Variants in ROBO2 observed in about 807,000 individuals in gnomAD.
The protein encoded by ROBO2 is roundabout homolog 2.
A neutral mutation model predicts 160.8 loss-of-function variants in ROBO2; 53 were observed. The observed-to-expected ratio is 0.33, with a 90% confidence interval of 0.26 to 0.41. The LOEUF (loss-of-function observed/expected upper bound fraction) is 0.41, where lower values mean the gene tolerates loss of function less well. ROBO2 is among the 10% of genes least tolerant of loss of function. The probability of loss-of-function intolerance (pLI) is 1.00; values close to 1 mark genes in which losing one functional copy is unlikely to be tolerated. For missense variants in ROBO2, 1,577 were observed against 1,722.4 expected (o/e 0.92, Z 1.49); for synonymous variants, 664 against 611.7 (o/e 1.09, Z -1.26).
At chr3:77,434,499 G>A (rs897968298) in intron 2 of ROBO2, among the ~76,000 whole-genome samples, 48 of 152,016 alleles carry the variant, frequency 3.2e-4, no homozygotes, top group Non-Finnish European at 2.6e-4. Flanking sequence ...TTAATGTGCC[G>A]ACTGAATGAA....
chr3:76,478,680 G>GTTTTTTTTTTTTTTTTTTTTTTT, intron 2 of ROBO2, among the ~76,000 whole-genome samples: 1 of 120,928 alleles, frequency 8.3e-6, no homozygotes, highest in Non-Finnish European at 1.7e-5. Flanking sequence ...TTTTTTCTCT[G>GTTTTTTTTTTTTTTTTTTTTTTT]TTTTTTTTTT....
intron 2 of ROBO2, among the ~76,000 whole-genome samples, chr3:77,221,867 T>G (rs1394872255): frequency 6.7e-6 from 1 of 150,330 alleles, no homozygotes; most frequent in African/African-American, 2.5e-5. Flanking sequence ...TTTTTTTTTT[T>G]TTTTGAGACA....
chr3:77,231,438 A>G (rs961429509), intron 2 of ROBO2, among the ~76,000 whole-genome samples: 7 of 151,812 alleles, frequency 4.6e-5, no homozygotes, highest in African/African-American at 1.7e-4. Context: ...ATTATCTTAA[A>G]AAGTGGGGAA....
At chr3:77,451,822 G>A (rs1359689649) in intron 2 of ROBO2, among the ~76,000 whole-genome samples, 1 of 151,106 alleles carries the variant, frequency 6.6e-6, no homozygotes, top group Middle Eastern at 3.2e-3. Flanking sequence ...TGTGCACAAT[G>A]TGCTGGTCTG....
At chr3:76,442,337 G>C (rs1230445068) in intron 2 of ROBO2, among the ~76,000 whole-genome samples, 1 of 152,146 alleles carries the variant, frequency 6.6e-6, no homozygotes, top group African/African-American at 2.4e-5. Context: ...ATGCTCTCAA[G>C]GGTGTGTCCA....
chr3:75,995,459 A>G (rs1465605696), intron 2 of ROBO2, among the ~76,000 whole-genome samples: 1 of 152,170 alleles, frequency 6.6e-6, no homozygotes, highest in Admixed American at 6.5e-5. Flanking sequence ...GAGGTTTGGG[A>G]ACCTCAGCCT....
chr3:76,733,476 G>T (rs184484855), intron 2 of ROBO2, among the ~76,000 whole-genome samples: 1 of 152,190 alleles, frequency 6.6e-6, no homozygotes, highest in African/African-American at 2.4e-5. Context: ...CCAACTTATT[G>T]TTAGCAATGA....
chr3:76,083,165 A>G (rs1248405580), intron 2 of ROBO2, among the ~76,000 whole-genome samples: 1 of 152,100 alleles, frequency 6.6e-6, no homozygotes, highest in African/African-American at 2.4e-5. Context: ...CTATCAGTCA[A>G]AAGGGAATGG....
At chr3:76,803,171 GA>G (rs2064359328) in intron 2 of ROBO2, among the ~76,000 whole-genome samples, 1 of 152,126 alleles carries the variant, frequency 6.6e-6, no homozygotes. Context: ...CTTCATAAGA[GA>G]GACACCATGG....
At chr3:75,915,266 G>T (rs1946764599) in intron 1 of ROBO2, among the ~76,000 whole-genome samples, 1 of 152,146 alleles carries the variant, frequency 6.6e-6, no homozygotes, top group South Asian at 2.1e-4. Context: ...TAAGAGTCAG[G>T]TCTTTTTCAA....
chr3:76,354,873 A>G (rs1433016647), intron 2 of ROBO2, among the ~76,000 whole-genome samples: 2 of 151,882 alleles, frequency 1.3e-5, no homozygotes, highest in Non-Finnish European at 1.5e-5. Context: ...GTAAATTACT[A>G]AACTAAGATG....
At chr3:75,995,683 C>T (rs1289535029) in intron 2 of ROBO2, among the ~76,000 whole-genome samples, 2 of 152,036 alleles carry the variant, frequency 1.3e-5, no homozygotes, top group East Asian at 3.9e-4. Context: ...CCACCGATAG[C>T]TTGCACTGTG....
At chr3:76,585,852 A>G (rs764586849) in intron 2 of ROBO2, among the ~76,000 whole-genome samples, 12 of 152,210 alleles carry the variant, frequency 7.9e-5, no homozygotes, top group Non-Finnish European at 1.6e-4. Flanking sequence ...ACATGCGTAT[A>G]CAGTATGTTA....
intron 2 of ROBO2, among the ~76,000 whole-genome samples, chr3:76,464,870 C>A (rs1020882486): frequency 6.6e-6 from 1 of 152,040 alleles, no homozygotes; most frequent in Non-Finnish European, 1.5e-5. Context: ...TTATGACTCT[C>A]CTAGATAAAC....
chr3:76,700,617 G>T (rs2093027617), intron 2 of ROBO2, among the ~76,000 whole-genome samples: 1 of 151,942 alleles, frequency 6.6e-6, no homozygotes, highest in Admixed American at 6.6e-5. Flanking sequence ...TCTCATCTTA[G>T]CCTAATATCC....
intron 2 of ROBO2, among the ~76,000 whole-genome samples, chr3:76,121,394 C>A (rs1221433405): frequency 7.2e-5 from 11 of 152,024 alleles, no homozygotes; most frequent in African/African-American, 2.7e-4. Flanking sequence ...TGATTCATTT[C>A]CAAATTCTTT....
chr3:76,654,881 A>G (rs997493482), intron 2 of ROBO2, among the ~76,000 whole-genome samples: 2 of 147,686 alleles, frequency 1.4e-5, no homozygotes, highest in South Asian at 2.1e-4. Flanking sequence ...ATGTGTGCGT[A>G]TATACATATG....
At chr3:76,761,843 G>A (rs989866422) in intron 2 of ROBO2, among the ~76,000 whole-genome samples, 9 of 151,638 alleles carry the variant, frequency 5.9e-5, no homozygotes, top group Admixed American at 5.9e-4. Context: ...CTTCTACCAT[G>A]TGAGGATAGA....
intron 2 of ROBO2, among the ~76,000 whole-genome samples, chr3:76,606,734 GAGAC>G (rs2087690260): frequency 1.3e-5 from 2 of 151,908 alleles, no homozygotes; most frequent in South Asian, 2.1e-4. Context: ...AAAAAAAATA[GAGAC>G]AGACAAAGGA....
Sources: allele counts gnomAD v4.1 joint callset (sites outside exome capture counted in the v4.1 genomes callset), GRCh38; gene constraint gnomAD v4.1.1; transcripts MANE v1.5; gene names NCBI Gene and HGNC (gene_info 2026-07-23, HGNC 2026-07-21).